The following PTPRD variants were observed in gnomAD, a reference collection of about 807,000 sequenced individuals.
PTPRD encodes the protein protein tyrosine phosphatase receptor type D.
In PTPRD, 34 loss-of-function variants were observed where a neutral mutation model predicts 214.5. That is an observed-to-expected ratio of 0.16 (90% CI 0.12 to 0.21). PTPRD has a LOEUF of 0.21. PTPRD is among the 10% of genes least tolerant of loss of function. PTPRD has a pLI of 1.00. For missense variants in PTPRD, 2,545 were observed against 2,398.7 expected (o/e 1.06, Z -1.27); for synonymous variants, 1,128 against 845.7 (o/e 1.33, Z -5.79).
chr9:9,636,906 C>A (rs574345079), intron 7 of PTPRD, among the ~76,000 whole-genome samples: 3 of 152,040 alleles, frequency 2.0e-5, no homozygotes, highest in Non-Finnish European at 4.4e-5. Flanking sequence ...GTAAGGGGGG[C>A]GAGTCTCTGC....
chr9:9,477,767 T>G (rs2095170350), intron 8 of PTPRD, among the ~76,000 whole-genome samples: 1 of 152,198 alleles, frequency 6.6e-6, no homozygotes, highest in African/African-American at 2.4e-5. Flanking sequence ...GATAATGAGA[T>G]CTATGCAAAG....
At chr9:10,349,243 G>A (rs1183248596) in intron 2 of PTPRD, among the ~76,000 whole-genome samples, 3 of 111,836 alleles carry the variant, frequency 2.7e-5, no homozygotes, top group Non-Finnish European at 5.0e-5. Context: ...TCATAGACCT[G>A]TCTCCAGTGG....
intron 3 of PTPRD, among the ~76,000 whole-genome samples, chr9:10,147,173 G>A (rs1467837213): frequency 2.0e-5 from 3 of 152,090 alleles, no homozygotes; most frequent in South Asian, 2.1e-4. Context: ...CATGTTGTCC[G>A]TGCAGTGCAA....
intron 9 of PTPRD, among the ~76,000 whole-genome samples, chr9:9,205,339 G>C (rs1348922576): frequency 1.3e-5 from 2 of 152,070 alleles, no homozygotes; most frequent in African/African-American, 2.4e-5. Flanking sequence ...TACTTCACCA[G>C]TTCACATTTA....
At chr9:10,547,745 T>C (rs1170873670) in intron 2 of PTPRD, among the ~76,000 whole-genome samples, 1 of 152,010 alleles carries the variant, frequency 6.6e-6, no homozygotes, top group Admixed American at 6.6e-5. Context: ...TTGGTGAATT[T>C]AAAAATATAG....
chr9:9,080,993 C>T (rs2099758209), intron 10 of PTPRD, among the ~76,000 whole-genome samples: 1 of 151,908 alleles, frequency 6.6e-6, no homozygotes, highest in South Asian at 2.1e-4. Context: ...TCTCTATCTC[C>T]TTCAGTTCTG....
intron 3 of PTPRD, among the ~76,000 whole-genome samples, chr9:10,205,611 T>C (rs1163624335): frequency 6.6e-6 from 1 of 151,990 alleles, no homozygotes; most frequent in East Asian, 1.9e-4. Context: ...TTCCCTATGT[T>C]GTTCAGGCTG....
At chr9:10,254,374 T>C (rs145905642) in intron 3 of PTPRD, among the ~76,000 whole-genome samples, 2 of 152,326 alleles carry the variant, frequency 1.3e-5, no homozygotes, top group East Asian at 3.9e-4. Context: ...TAATAAAATA[T>C]ATTTGTTTAA....
chr9:8,834,435 TTG>T, intron 11 of PTPRD, among the ~76,000 whole-genome samples: 1 of 133,994 alleles, frequency 7.5e-6, no homozygotes, highest in Non-Finnish European at 1.6e-5. Flanking sequence ...TAACCTGTTT[TTG>T]TTTATTTCAT....
At chr9:9,791,241 C>T (rs757515820) in intron 5 of PTPRD, among the ~76,000 whole-genome samples, 10 of 151,942 alleles carry the variant, frequency 6.6e-5, no homozygotes, top group African/African-American at 2.4e-4. Flanking sequence ...TAGCTAAAAT[C>T]GGATTATACC....
intron 3 of PTPRD, among the ~76,000 whole-genome samples, chr9:10,313,397 T>TACACACACACACAC (rs60788124): frequency 0.015 from 2,283 of 148,414 alleles, 41 homozygotes; most frequent in East Asian, 0.05. Flanking sequence ...AGGTACAGAT[T>TACACACACACACAC]ACACACACAC....
intron 11 of PTPRD, among the ~76,000 whole-genome samples, chr9:8,882,483 G>A (rs562465734): frequency 1.1e-4 from 16 of 152,240 alleles, no homozygotes; most frequent in African/African-American, 3.9e-4. Flanking sequence ...AAAGTACCTA[G>A]CAGAGAACCA....
At chr9:9,073,006 G>A (rs1320160773) in intron 10 of PTPRD, among the ~76,000 whole-genome samples, 2 of 152,178 alleles carry the variant, frequency 1.3e-5, no homozygotes, top group African/African-American at 4.8e-5. Flanking sequence ...CTCAAACATG[G>A]AAGTTCAGAA....
chr9:9,556,657 A>C (rs762801965), intron 8 of PTPRD, among the ~76,000 whole-genome samples: 4 of 152,190 alleles, frequency 2.6e-5, no homozygotes, highest in Non-Finnish European at 4.4e-5. Context: ...AATTGTTTAA[A>C]GTATATAACT....
chr9:8,439,069 G>A (rs776478596), intron 34 of PTPRD, among the ~76,000 whole-genome samples: 3 of 151,968 alleles, frequency 2.0e-5, no homozygotes, highest in Admixed American at 6.6e-5. Flanking sequence ...TTAAAGAATC[G>A]CTACATAAAA....
At chr9:9,724,097 AC>A (rs2098027643) in intron 7 of PTPRD, among the ~76,000 whole-genome samples, 1 of 152,114 alleles carries the variant, frequency 6.6e-6, no homozygotes. Flanking sequence ...TTTAATAAAA[AC>A]ATTAAGATGT....
chr9:10,142,513 C>T (rs2098993192), intron 3 of PTPRD, among the ~76,000 whole-genome samples: 1 of 152,094 alleles, frequency 6.6e-6, no homozygotes, highest in Non-Finnish European at 1.5e-5. Flanking sequence ...ATCCAAAAAA[C>T]ACATGAAAAA....
At chr9:9,609,061 T>A (rs944575460) in intron 7 of PTPRD, among the ~76,000 whole-genome samples, 1 of 152,180 alleles carries the variant, frequency 6.6e-6, no homozygotes, top group Admixed American at 6.5e-5. Context: ...AAATGAAATA[T>A]AGATCTGTGA....
chr9:9,289,427 G>A (rs1420133107), intron 9 of PTPRD, among the ~76,000 whole-genome samples: 2 of 151,818 alleles, frequency 1.3e-5, no homozygotes, highest in Non-Finnish European at 2.9e-5. Context: ...ATTCTGTCAT[G>A]ATTTTCATAA....
Sources: gnomAD v4.1 joint callset for allele counts (sites outside exome capture counted in the v4.1 genomes callset) on GRCh38, gnomAD v4.1.1 for gene constraint, MANE v1.5 for transcripts, NCBI Gene and HGNC (gene_info 2026-07-23, HGNC 2026-07-21) for gene names.